Variants in RNF214 observed in about 807,000 individuals in gnomAD.
RNF214 encodes the protein ring finger protein 214.
RNF214 carries 25 observed loss-of-function variants against 75.9 expected under a neutral mutation model. The observed-to-expected ratio is 0.33, with a 90% CI of 0.24 to 0.46. The LOEUF is 0.46. Ranked by LOEUF, RNF214 falls within the 20% of genes least tolerant of loss-of-function variation. The pLI is 1.00. For synonymous variants in RNF214, 314 were observed against 308.8 expected (o/e 1.02, Z -0.18); for missense variants, 725 against 857.5 (o/e 0.85, Z 1.93).
At chr11:117,268,590 C>T (rs1026352096) in intron 6 of RNF214, among the ~76,000 whole-genome samples, 1 of 152,076 alleles carries the variant, frequency 6.6e-6, no homozygotes, top group African/African-American at 2.4e-5. Flanking sequence ...TTTGTCTTTC[C>T]TTGTAACTGT....
At chr11:117,251,221 G>A (rs1447783290) in intron 6 of RNF214, among the ~76,000 whole-genome samples, 1 of 90,772 alleles carries the variant, frequency 1.1e-5, no homozygotes, top group Non-Finnish European at 2.2e-5. Flanking sequence ...CCTCCCGGAC[G>A]GGGCGGCTGG....
At chr11:117,249,249 G>GT (rs200184981) in intron 6 of RNF214, among the ~76,000 whole-genome samples, 2 of 151,922 alleles carry the variant, frequency 1.3e-5, no homozygotes, top group African/African-American at 4.8e-5. Context: ...AATTTTTATT[G>GT]TTTTTTACCT....
intron 5 of RNF214, among the ~76,000 whole-genome samples, chr11:117,245,425 C>T (rs992555146): frequency 1.3e-5 from 2 of 151,368 alleles, no homozygotes; most frequent in South Asian, 2.1e-4. Flanking sequence ...CTGCAAGCTC[C>T]GCCTCCTGGA....
intron 14 of RNF214, among the ~76,000 whole-genome samples, chr11:117,284,417 C>G (rs187532666): frequency 6.6e-6 from 1 of 152,196 alleles, no homozygotes; most frequent in African/African-American, 2.4e-5. Context: ...CATCTAAATT[C>G]TTGGTAAGAA....
chr11:117,233,417 GTGTTCCGGGGGGGAA>G (rs2032790114), intron 1 of RNF214, among the ~76,000 whole-genome samples: 1 of 152,156 alleles, frequency 6.6e-6, no homozygotes, highest in South Asian at 2.1e-4. Context: ...GCGCTCTTCA[GTGTTCCGGGGGGGAA>G]TACGTGTGAT....
intron 2 of RNF214, 89 bp from the exon 3 acceptor site, chr11:117,238,512 C>A: frequency 9.1e-7 from 1 of 1,096,662 alleles, no homozygotes; most frequent in Non-Finnish European, 1.3e-6. Flanking sequence ...TTATGATAGT[C>A]GGGAGGGTTT....
At chr11:117,255,167 C>A (rs2033489057) in intron 6 of RNF214, among the ~76,000 whole-genome samples, 1 of 152,180 alleles carries the variant, frequency 6.6e-6, no homozygotes, top group Admixed American at 6.5e-5. Context: ...TCTCTTCTTA[C>A]CCTTAGCAGA....
At chr11:117,254,252 G>GA (rs577904003) in intron 6 of RNF214, among the ~76,000 whole-genome samples, 37 of 143,448 alleles carry the variant, frequency 2.6e-4, no homozygotes, top group Admixed American at 4.2e-4. Flanking sequence ...CCATCTCAAA[G>GA]AAAAAAAAAA....
chr11:117,233,203 C>T (rs944611330), intron 1 of RNF214, among the ~76,000 whole-genome samples: 2 of 152,210 alleles, frequency 1.3e-5, no homozygotes, highest in Admixed American at 1.3e-4. Flanking sequence ...TGGCCCTTGT[C>T]CTGGGGTTTC....
In RNF214 at chr11:117,238,920, C is replaced by G. The variant is rs199938335; in HGVS notation, c.427C>G (p.Gln143Glu). 5.1e-5 allele frequency: 82 copies of G among 1,614,066 alleles called. No individual in the cohort carries two copies. In the African/African-American group the frequency reaches 7.5e-4, roughly 15 times the overall value. ...TCTTAAGGCAGGGTGCCATACTAAG[C>G]AGCTTGCCTCCAGGAATTGCTCTGA... ...RSLKAGCHTK[Q>E]LASRNCSEEK... The change falls in exon 3 of 15, where the codon CAG becomes GAG. Residue 143 changes from glutamine (Q) to glutamate (E), a missense_variant. Physicochemically the swap from Gln to Glu is conservative, Grantham distance 29. Transcript: ENST00000300650.
chr11:117,283,756 G>T (rs531042931), intron 14 of RNF214, among the ~76,000 whole-genome samples: 1 of 152,168 alleles, frequency 6.6e-6, no homozygotes, highest in Admixed American at 6.5e-5. Flanking sequence ...AATCCCCTAG[G>T]CTCAAGGTGC....
In RNF214 at chr11:117,286,112, G is replaced by A. The variant is rs1241640972; in HGVS notation, c.*961G>A. 6.6e-6 allele frequency: 1 copy of A among 152,634 alleles called. No individual in the cohort carries two copies. Among genetic ancestry groups the A allele is most frequent in the Non-Finnish European group, 1.5e-5 (1 of 68,050 alleles). The allele number at this position is 152,634 out of a possible 1,614,324, so 9.5% of individuals were successfully genotyped here. On this transcript the variant is annotated 3_prime_UTR_variant, in exon 15 of 15. Transcript: ENST00000300650. ...CAGGCACTGGGGTGAGGAGATGTCT[G>A]TGCAAAATTACTTGTAGAATGATCT...
chr11:117,261,669 A>G (rs546388230), intron 6 of RNF214, among the ~76,000 whole-genome samples: 1 of 152,232 alleles, frequency 6.6e-6, no homozygotes, highest in Admixed American at 6.5e-5. Context: ...TGAGTGTGAC[A>G]GAGTCTCCCT....
At position 117,281,351 on chromosome 11, in the gene RNF214, C is replaced by T; in HGVS notation, c.1183C>T (p.Gln395Ter). Reference sequence around the variant, plus strand: ...AACACTGGAGACAGTTCGTTCCAAACAGGAGTGGGAGACGAGACTGAATGG... The same window carrying T: ...AACACTGGAGACAGTTCGTTCCAAATAGGAGTGGGAGACGAGACTGAATGG... ...PPTLETVRSK[Q>*]EWETRLNGVR... Residue 395 changes from glutamine (Q) to a stop codon, truncating the protein, a stop_gained, in exon 9 of 15, where the codon CAG becomes TAG. Transcript: ENST00000300650. LOFTEE classifies it high-confidence loss of function. 6.2e-7 allele frequency: 1 copy of T among 1,613,496 alleles called. No individual in the cohort carries two copies. The highest frequency in any genetic ancestry group is 8.5e-7 in the Non-Finnish European group (1 of 1,179,676).
chr11:117,260,060 C>T (rs945619139), intron 6 of RNF214, among the ~76,000 whole-genome samples: 3 of 151,956 alleles, frequency 2.0e-5, no homozygotes, highest in African/African-American at 7.3e-5. Flanking sequence ...TGTCTCTGAT[C>T]CATCTCAAAT....
intron 4 of RNF214, among the ~76,000 whole-genome samples, chr11:117,241,307 C>G (rs1208894905): frequency 6.6e-6 from 1 of 152,096 alleles, no homozygotes; most frequent in Non-Finnish European, 1.5e-5. Flanking sequence ...TTAGGCCGGG[C>G]ACAGTGGCTC....
chr11:117,270,236 CTTTTCTTTTTTT>C (rs1565344093), intron 6 of RNF214, among the ~76,000 whole-genome samples: 2 of 93,362 alleles, frequency 2.1e-5, no homozygotes, highest in Non-Finnish European at 2.2e-5. Flanking sequence ...CTTTTCTTTT[CTTTTCTTTTTTT>C]TTTTTTTTTT....
intron 8 of RNF214, 144 bp downstream of exon 8, chr11:117,280,403 A>G: frequency 1.5e-6 from 1 of 671,236 alleles, no homozygotes; most frequent in East Asian, 2.5e-5. Context: ...TGCAGTAGCA[A>G]TTGCTCAGTG....
intron 6 of RNF214, among the ~76,000 whole-genome samples, chr11:117,247,908 A>C (rs368629616): frequency 1.3e-5 from 2 of 152,086 alleles, no homozygotes; most frequent in East Asian, 3.9e-4. Flanking sequence ...CCATGAGCAT[A>C]TTTTGAATGA....
Sources: allele counts gnomAD v4.1 joint callset (sites outside exome capture counted in the v4.1 genomes callset), GRCh38; gene constraint gnomAD v4.1.1; transcripts MANE v1.5; gene names NCBI Gene and HGNC (gene_info 2026-07-23, HGNC 2026-07-21).